Variants in ERC2 observed in about 807,000 individuals in gnomAD.
The protein encoded by ERC2 is ERC protein 2.
In ERC2, 42 loss-of-function variants were observed where a neutral mutation model predicts 114.8. The observed-to-expected ratio is 0.37, with a 90% CI of 0.29 to 0.47. The LOEUF (loss-of-function observed/expected upper bound fraction) is 0.47. Among genes scored for constraint, ERC2 ranks in the 20% least tolerant of loss-of-function variants. The pLI is 0.99. For synonymous variants in ERC2, 454 were observed against 425.5 expected, an observed-to-expected ratio of 1.07 and a Z score of -0.82; for missense variants, 939 against 1,150.7, an observed-to-expected ratio of 0.82 and a Z score of 2.66.
intron 15 of ERC2, among the ~76,000 whole-genome samples, chr3:55,718,829 T>C (rs1320791453): frequency 6.6e-6 from 1 of 152,246 alleles, no homozygotes; most frequent in Non-Finnish European, 1.5e-5. Flanking sequence ...TTGAACAGCA[T>C]GTTTTTAAAG....
chr3:55,666,628 A>G (rs968148182), intron 17 of ERC2, among the ~76,000 whole-genome samples: 4 of 151,946 alleles, frequency 2.6e-5, no homozygotes, highest in African/African-American at 7.3e-5. Context: ...GGTTGTTACA[A>G]CTAGGGGCTG....
chr3:55,758,619 G>A (rs544643979), intron 14 of ERC2, among the ~76,000 whole-genome samples: 21 of 152,260 alleles, frequency 1.4e-4, no homozygotes, highest in African/African-American at 4.3e-4. Context: ...CTAGGACATC[G>A]CTAGCCTACA....
At chr3:56,091,225 G>A (rs1035989870) in intron 6 of ERC2, among the ~76,000 whole-genome samples, 3 of 152,062 alleles carry the variant, frequency 2.0e-5, no homozygotes, top group Non-Finnish European at 2.9e-5. Flanking sequence ...GAGGGGGCAC[G>A]TGGCTGTGTT....
intron 16 of ERC2, among the ~76,000 whole-genome samples, chr3:55,685,042 T>G (rs948638754): frequency 6.6e-6 from 1 of 152,256 alleles, no homozygotes; most frequent in African/African-American, 2.4e-5. Context: ...AGCAGTTTCA[T>G]ACAGTTCCAC....
At chr3:55,981,290 C>T (rs1207502980) in intron 12 of ERC2, among the ~76,000 whole-genome samples, 1 of 152,230 alleles carries the variant, frequency 6.6e-6, no homozygotes, top group Non-Finnish European at 1.5e-5. Context: ...TCTGACACTT[C>T]ACCAGAAATG....
chr3:56,084,971 T>C (rs924227734), intron 6 of ERC2, among the ~76,000 whole-genome samples: 1 of 151,818 alleles, frequency 6.6e-6, no homozygotes, highest in Non-Finnish European at 1.5e-5. Context: ...TTTTTAGGAC[T>C]GGTTCTGCTT....
chr3:55,897,578 G>C (rs994729175), intron 13 of ERC2, among the ~76,000 whole-genome samples: 5 of 152,094 alleles, frequency 3.3e-5, no homozygotes, highest in African/African-American at 9.7e-5. Flanking sequence ...TGGTCCTGTG[G>C]GAATAGCTGG....
chr3:55,531,923 G>A (rs374677822), intron 17 of ERC2, among the ~76,000 whole-genome samples: 3 of 152,200 alleles, frequency 2.0e-5, no homozygotes, highest in Admixed American at 6.5e-5. Context: ...TGGCAGTTTC[G>A]CAGTCATTAA....
At chr3:55,571,299 C>A (rs996652046) in intron 17 of ERC2, among the ~76,000 whole-genome samples, 1 of 151,978 alleles carries the variant, frequency 6.6e-6, no homozygotes, top group African/African-American at 2.4e-5. Flanking sequence ...GCCTTAGGGA[C>A]CTGAAGGACA....
intron 15 of ERC2, among the ~76,000 whole-genome samples, chr3:55,709,024 C>A (rs1194912512): frequency 1.3e-5 from 2 of 152,172 alleles, no homozygotes; most frequent in Non-Finnish European, 2.9e-5. Context: ...TCATTCCATT[C>A]ATAATCCAAC....
chr3:56,183,845 G>A (rs775231577), intron 3 of ERC2, among the ~76,000 whole-genome samples: 206 of 152,190 alleles, frequency 1.4e-3, no homozygotes, highest in Middle Eastern at 0.01. Context: ...GGTAAGGGCT[G>A]CAGAGGGGGC....
At chr3:56,401,640 T>C (rs1329977397) in intron 2 of ERC2, among the ~76,000 whole-genome samples, 2 of 152,190 alleles carry the variant, frequency 1.3e-5, no homozygotes, top group East Asian at 3.8e-4. Context: ...GCAGAATTTA[T>C]TCTCCAGAAT....
chr3:56,280,539 G>T (rs1462887232), intron 3 of ERC2, among the ~76,000 whole-genome samples: 1 of 152,160 alleles, frequency 6.6e-6, no homozygotes, highest in South Asian at 2.1e-4. Context: ...ATTCTGGACA[G>T]GCTAATCCCA....
intron 12 of ERC2, among the ~76,000 whole-genome samples, chr3:55,984,061 A>T (rs955703551): frequency 1.8e-4 from 28 of 152,184 alleles, no homozygotes; most frequent in African/African-American, 5.8e-4. Context: ...ATTATTCACA[A>T]TGATTGCACA....
At chr3:56,208,912 C>G (rs890235662) in intron 3 of ERC2, among the ~76,000 whole-genome samples, 9 of 152,116 alleles carry the variant, frequency 5.9e-5, no homozygotes, top group African/African-American at 2.2e-4. Flanking sequence ...ACACCAACTC[C>G]CTTAGGAACT....
In ERC2 at chr3:56,434,685, C is replaced by A. The variant is rs267599911; in HGVS notation, c.323G>T (p.Gly108Val). The change falls in exon 2 of 18, where the codon GGA becomes GTA. Residue 108 changes from glycine to valine, a missense_variant. Transcript: ENST00000288221. Reference sequence around the variant, plus strand: ...TGAAAGGACATCTGTGTGGGAAAGTCCAGCAGAAGCAATATTGGGACTACT... The same window carrying A: ...TGAAAGGACATCTGTGTGGGAAAGTACAGCAGAAGCAATATTGGGACTACT... The part of the protein sequence containing the change: ...MGSSPNIASA[G>V]LSHTDVLSYT... 4 of 1,613,852 alleles carry A rather than the reference C, an allele frequency of 2.5e-6. No individual in the cohort carries two copies. The Admixed American group carries it at 6.7e-5, about 27-fold the overall frequency.
rs905792146 is a variant in ERC2 at position 55,997,729 on chromosome 3, A to T, written c.2062-5479T>A. 2.0e-5 allele frequency among the ~76,000 whole-genome samples: 3 copies of T among 150,484 alleles called. No homozygotes were observed. In the East Asian group the frequency reaches 5.8e-4, roughly 29 times the overall value. ...AAGCTGCAGAAAGGTTACAAAAAAA[A>T]ATTACAATATCAAGGCAAAACTTTA... On this transcript the variant is annotated intron_variant, in intron 10 of 17. Transcript: ENST00000288221.
chr3:55,850,904 G>C (rs2061543837), intron 14 of ERC2, among the ~76,000 whole-genome samples: 1 of 147,132 alleles, frequency 6.8e-6, no homozygotes, highest in Admixed American at 6.8e-5. Flanking sequence ...GAGAACCAAA[G>C]GGCAACATTT....
At chr3:56,467,974 G>A (rs2063626907) in intron 1 of ERC2, among the ~76,000 whole-genome samples, 1 of 152,116 alleles carries the variant, frequency 6.6e-6, no homozygotes, top group Non-Finnish European at 1.5e-5. Context: ...GGGCAGCCGG[G>A]GCTAGCGAGC....
Sources: gnomAD v4.1 joint callset for allele counts (sites outside exome capture counted in the v4.1 genomes callset) on GRCh38, gnomAD v4.1.1 for gene constraint, MANE v1.5 for transcripts, NCBI Gene and HGNC (gene_info 2026-07-23, HGNC 2026-07-21) for gene names.